Variants in CTBP2 observed in about 807,000 individuals in gnomAD.
CTBP2 encodes the protein C-terminal-binding protein 2.
A neutral mutation model predicts 80.3 loss-of-function variants in CTBP2; 30 were observed. The ratio of observed to expected loss-of-function variants is 0.37; its 90% CI spans 0.28 to 0.51. The LOEUF (loss-of-function observed/expected upper bound fraction) is 0.51, where lower values mean the gene tolerates loss of function less well. Among genes scored for constraint, CTBP2 ranks in the 20% least tolerant of loss-of-function variants. The pLI is 0.93. For missense variants in CTBP2, 1,212 were observed against 1,375.3 expected (o/e 0.88, Z 1.88); for synonymous variants, 594 against 587.4 (o/e 1.01, Z -0.16).
chr10:125,106,866 G>A (rs1851539653), intron 2 of CTBP2, among the ~76,000 whole-genome samples: 1 of 152,256 alleles, frequency 6.6e-6, no homozygotes, highest in South Asian at 2.1e-4. Flanking sequence ...ACAGCAGAAA[G>A]CCAGACTCAC....
intron 1 of CTBP2, among the ~76,000 whole-genome samples, chr10:125,114,233 C>A (rs1852795945): frequency 6.6e-6 from 1 of 152,168 alleles, no homozygotes; most frequent in Non-Finnish European, 1.5e-5. Context: ...GGTCAGCATG[C>A]CCACCCCCTC....
At chr10:125,054,292 G>A (rs1023868021) in intron 2 of CTBP2, among the ~76,000 whole-genome samples, 5 of 152,200 alleles carry the variant, frequency 3.3e-5, no homozygotes, top group Non-Finnish European at 7.3e-5. Flanking sequence ...TGTCACTTCT[G>A]AGATTAGGTT....
chr10:125,028,403 C>G (rs1957870852), upstream of CTBP2, among the ~76,000 whole-genome samples: 1 of 152,178 alleles, frequency 6.6e-6, no homozygotes, highest in South Asian at 2.1e-4. Context: ...TAATCCATGG[C>G]ACAGCTAAAC....
At position 125,003,454 on chromosome 10, in the gene CTBP2, G is replaced by A; in HGVS notation, c.1717C>T (p.Arg573Cys). 1 of 1,580,136 alleles carries A rather than the reference G, an allele frequency of 6.3e-7. No individual in the cohort carries two copies. ...CCGTCCAGCAGCGCCACCAGGGGGCGGGGGTGCAGGGGGCCGTTCATGATC... is the reference window on the plus strand; with the variant it reads ...CCGTCCAGCAGCGCCACCAGGGGGCAGGGGTGCAGGGGGCCGTTCATGATC... Residue 573 changes from arginine to cysteine, a missense_variant, in exon 2 of 9, where the codon CGC becomes TGC. By Grantham distance (180) the Arg-to-Cys change is radical. Coordinates refer to ENST00000309035, the MANE Select transcript of CTBP2 (RefSeq NM_022802.3).
At chr10:125,034,194 G>C (rs566395119) in intron 3 of CTBP2, among the ~76,000 whole-genome samples, 11 of 152,350 alleles carry the variant, frequency 7.2e-5, no homozygotes, top group African/African-American at 2.6e-4. Context: ...CACAGCTGCA[G>C]AACGGGAGGG....
intron 2 of CTBP2, among the ~76,000 whole-genome samples, chr10:125,089,679 C>T (rs76886370): frequency 0.14 from 20,787 of 152,112 alleles, 1,746 homozygotes; most frequent in Non-Finnish European, 0.18. Context: ...TTCCAGGAGG[C>T]GGAAGCTGGG....
Position 124,985,174 on chromosome 10 carries a change from CAG to C in CTBP2, c.*4342_*4343del, listed in dbSNP as rs1952005582. ...ATAATGCCTCTGCTGCGTGAGGAGA[CAG>C]AGAACTTTAGTTGGACTACAGTTTG... On this transcript the variant is annotated 3_prime_UTR_variant, in exon 9 of 9. Coordinates refer to ENST00000309035, the MANE Select transcript of CTBP2 (RefSeq NM_022802.3). The C allele has an allele frequency of 3.8e-6, 2 of 522,782 alleles. No individual in the cohort carries two copies. Among genetic ancestry groups the C allele is most frequent in the Admixed American group, 7.0e-5 (2 of 28,740 alleles). 32.4% of individuals were successfully genotyped at this position (522,782 alleles called of 1,614,324 possible).
intron 3 of CTBP2, among the ~76,000 whole-genome samples, chr10:125,035,918 A>C (rs1204866981): frequency 1.3e-5 from 2 of 152,216 alleles, no homozygotes; most frequent in Non-Finnish European, 2.9e-5. Context: ...CTTCGTAATA[A>C]TTCTTACATG....
In CTBP2 at chr10:124,994,504, T is replaced by C; in HGVS notation, c.2365A>G (p.Asn789Asp). 1 of 1,614,014 alleles carries C rather than the reference T, an allele frequency of 6.2e-7. No homozygotes were observed. The highest frequency in any genetic ancestry group is 2.2e-5 in the East Asian group (1 of 44,888). ...GTAAAGTCATTGATGAGGTGGTGGTTATGTTCGTTGAGATTGCAGTGCAAG... is the reference window on the plus strand; with the variant it reads ...GTAAAGTCATTGATGAGGTGGTGGTCATGTTCGTTGAGATTGCAGTGCAAG... The change falls in exon 5 of 9, where the codon AAC (asparagine) becomes GAC (aspartate). Residue 789 changes from asparagine to aspartate, a missense_variant. Asn to Asp is a conservative substitution (Grantham distance 23). This residue lies in a region of CTBP2 where 335 missense variants were observed against 504.7 expected (regional missense o/e 0.66). Transcript: ENST00000309035.
upstream of CTBP2, chr10:125,161,071 G>C (rs995148105): frequency 3.6e-5 from 5 of 140,692 alleles, no homozygotes; most frequent in Admixed American, 6.8e-5. Context: ...TGTTTTTGGG[G>C]GGGGGGGGCA....
Position 125,066,154 on chromosome 10 carries a change from C to G in CTBP2, c.-101-26999G>C, listed in dbSNP as rs1466776650. Among the ~76,000 whole-genome samples, 1 of 152,034 alleles carries G rather than the reference C, an allele frequency of 6.6e-6. No individual in the cohort carries two copies. Among genetic ancestry groups the G allele is most frequent in the East Asian group, 1.9e-4 (1 of 5,150 alleles). On this transcript the variant is annotated intron_variant, in intron 2 of 10. Transcript: ENST00000337195. The surrounding 1 kb of genome is among the most constrained non-coding windows in gnomAD (Gnocchi z 4.1). ...GATGTCCTAACACCCAGGACAACGT[C>G]TGAGTGACCAGTGGCTCTTGGCTGA...
At chr10:125,015,386 A>C (rs1956367849) in intron 1 of CTBP2, among the ~76,000 whole-genome samples, 1 of 152,210 alleles carries the variant, frequency 6.6e-6, no homozygotes, top group African/African-American at 2.4e-5. Context: ...TCAATGCAAA[A>C]AATCAGTGAC....
chr10:125,011,681 C>G (rs1157682253), intron 1 of CTBP2, among the ~76,000 whole-genome samples: 1 of 152,240 alleles, frequency 6.6e-6, no homozygotes, highest in African/African-American at 2.4e-5. Flanking sequence ...TTCCTCAGAG[C>G]CCCTGGGGAA....
At chr10:125,036,700 T>C (rs934050516) in intron 3 of CTBP2, among the ~76,000 whole-genome samples, 1 of 109,324 alleles carries the variant, frequency 9.1e-6, no homozygotes. Context: ...TGTGTGTGTG[T>C]GTGTGTGTGT....
chr10:125,111,767 A>G (rs1040606191), intron 1 of CTBP2, among the ~76,000 whole-genome samples: 1 of 152,200 alleles, frequency 6.6e-6, no homozygotes, highest in African/African-American at 2.4e-5. Context: ...ACATCATCCG[A>G]ACTACTTCCT....
intron 1 of CTBP2, among the ~76,000 whole-genome samples, chr10:125,015,404 C>A (rs568440760): frequency 6.6e-6 from 1 of 152,368 alleles, no homozygotes; most frequent in South Asian, 2.1e-4. Flanking sequence ...GACAACCCCA[C>A]AGGCCACAAG....
intron 2 of CTBP2, among the ~76,000 whole-genome samples, chr10:125,063,026 G>C (rs1399453252): frequency 6.6e-6 from 1 of 152,228 alleles, no homozygotes; most frequent in Non-Finnish European, 1.5e-5. Flanking sequence ...CACAGGAAGA[G>C]AGCTCAGCCA....
chr10:125,048,866 G>C lies in CTBP2; in HGVS notation c.-101-9711C>G, dbSNP rs146804657. 6.7e-4 allele frequency among the ~76,000 whole-genome samples: 102 copies of C among 152,234 alleles called. 1 individual carries two copies. In the East Asian group the frequency reaches 0.017, roughly 25 times the overall value. On this transcript the variant is annotated intron_variant, in intron 2 of 10. Coordinates refer to the CTBP2 transcript ENST00000337195. ...CACACCTGATCAACAGGCTCAATTT[G>C]ACTCAACACCAGGATCAGTTTGCTG...
intron 1 of CTBP2, among the ~76,000 whole-genome samples, chr10:125,017,665 A>G (rs888564235): frequency 2.0e-5 from 3 of 152,236 alleles, no homozygotes; most frequent in African/African-American, 7.2e-5. Context: ...CACTGGGAGA[A>G]TTAATTCCCT....
Sources: gnomAD v4.1 joint callset for allele counts (sites outside exome capture counted in the v4.1 genomes callset) on GRCh38, gnomAD v4.1.1 for gene constraint, gnomAD v4.1.1 regional missense constraint, Gnocchi (gnomAD v3.1) non-coding constraint, MANE v1.5 for transcripts, NCBI Gene and HGNC (gene_info 2026-07-23, HGNC 2026-07-21) for gene names.